Variants in PCDHGC4 observed in about 807,000 individuals in gnomAD.
The protein encoded by PCDHGC4 is protocadherin gamma subfamily C, 4.
A neutral mutation model predicts 59.7 loss-of-function variants in PCDHGC4; 15 were observed. The ratio of observed to expected loss-of-function variants is 0.25; its 90% CI spans 0.17 to 0.39. The LOEUF (loss-of-function observed/expected upper bound fraction) is 0.39, where lower values mean the gene tolerates loss of function less well. Ranked by LOEUF, PCDHGC4 falls within the 10% of genes least tolerant of loss-of-function variation. The pLI is 1.00. For synonymous variants in PCDHGC4, 434 were observed against 481.4 expected (o/e 0.90, Z 1.29); for missense variants, 1,016 against 1,189.5 (o/e 0.85, Z 2.15).
intron 2 of PCDHGC4, among the ~76,000 whole-genome samples, chr5:141,498,451 T>C (rs1426888821): frequency 6.6e-6 from 1 of 152,126 alleles, no homozygotes; most frequent in Non-Finnish European, 1.5e-5. Context: ...AGGTTCCTTT[T>C]ATCCAGTCTA....
At chr5:141,500,876 A>G (rs909126749) in intron 2 of PCDHGC4, among the ~76,000 whole-genome samples, 1 of 124,952 alleles carries the variant, frequency 8.0e-6, no homozygotes, top group African/African-American at 3.5e-5. Flanking sequence ...ATTCATTTAC[A>G]ATTTTTTTTT....
chr5:141,487,751 G>A lies in PCDHGC4; in HGVS notation c.2442+136G>A. ...CACCATTTTTGTAAGAGGTAACTAT[G>A]TGGTAGACGCTGTGCTTTGTAACTG... On this transcript the variant is annotated intron_variant, in intron 1 of 3. Coordinates refer to ENST00000306593, the MANE Select transcript of PCDHGC4 (RefSeq NM_018928.3). This position sits in a 1 kb window ranked among gnomAD's most constrained non-coding sequence, Gnocchi z 5.0. 1 of 1,555,004 alleles carries A rather than the reference G, an allele frequency of 6.4e-7. No homozygotes were observed.
intron 2 of PCDHGC4, among the ~76,000 whole-genome samples, chr5:141,495,601 G>C (rs1315613802): frequency 6.6e-6 from 1 of 152,004 alleles, no homozygotes; most frequent in Non-Finnish European, 1.5e-5. Context: ...CTTAGCTTCC[G>C]TCTTGATTGC....
At chr5:141,508,760 T>A (rs1004267844) in intron 3 of PCDHGC4, among the ~76,000 whole-genome samples, 17 of 151,522 alleles carry the variant, frequency 1.1e-4, no homozygotes, top group Admixed American at 1.1e-3. Flanking sequence ...CTCTGGCGCC[T>A]CTGAGGTCCC....
At chr5:141,507,563 G>A (rs2099861587) in intron 3 of PCDHGC4, among the ~76,000 whole-genome samples, 1 of 152,222 alleles carries the variant, frequency 6.6e-6, no homozygotes, top group Non-Finnish European at 1.5e-5. Flanking sequence ...CAGGCGGCTG[G>A]GTCTGAGGAG....
At position 141,485,342 on chromosome 5, in the gene PCDHGC4, G is replaced by A; in HGVS notation, c.169G>A (p.Asp57Asn). The change falls in exon 1 of 4, where the codon GAC (aspartate) becomes AAC (asparagine). Residue 57 changes from aspartate to asparagine, a missense_variant. Asp to Asn is a conservative substitution (Grantham distance 23). Coordinates refer to ENST00000306593, the MANE Select transcript of PCDHGC4 (RefSeq NM_018928.3). The surrounding 1 kb of genome is among the most constrained non-coding windows in gnomAD (Gnocchi z 5.7). ...NVAQDFLLDT[D>N]SLSARRLQVA... ...CGCTCAAGATTTCCTGCTGGATACG[G>A]ACAGTCTGTCAGCTCGCAGGCTGCA... 1 of 1,614,164 alleles carries A rather than the reference G, an allele frequency of 6.2e-7. No homozygotes were observed. The highest frequency in any genetic ancestry group is 8.5e-7 in the Non-Finnish European group (1 of 1,180,026).
intron 3 of PCDHGC4, among the ~76,000 whole-genome samples, chr5:141,505,766 C>T (rs1420683619): frequency 2.0e-5 from 3 of 151,768 alleles, no homozygotes; most frequent in African/African-American, 4.8e-5. Context: ...CAGTGTAGCT[C>T]AGGTCCTAGC....
rs1224625072 is a variant in PCDHGC4, at chr5:141,490,972, C to T, written c.2442+3357C>T. ...AGACTGGGAACACTCAGCCCCCCAG[C>T]GTCTCCCTCGCTCTGCTCCTCCTGG... On this transcript the variant is annotated intron_variant, in intron 1 of 3. Transcript: ENST00000306593. This position sits in a 1 kb window ranked among gnomAD's most constrained non-coding sequence, Gnocchi z 5.4. The T allele has an allele frequency of 1.2e-5, 20 of 1,613,912 alleles. No individual in the cohort carries two copies. Among genetic ancestry groups the T allele is most frequent in the East Asian group, 4.5e-5 (2 of 44,882 alleles).
At chr5:141,492,506 C>T (rs2154587372) in intron 1 of PCDHGC4, among the ~76,000 whole-genome samples, 2 of 152,318 alleles carry the variant, frequency 1.3e-5, no homozygotes, top group South Asian at 4.1e-4. Context: ...ACTCCGGAGC[C>T]TCCTCTCACC....
Position 141,490,911 on chromosome 5 carries a change from G to C in PCDHGC4, c.2442+3296G>C. On this transcript the variant is annotated intron_variant, in intron 1 of 3. Coordinates refer to ENST00000306593, the MANE Select transcript of PCDHGC4 (RefSeq NM_018928.3). The surrounding 1 kb of genome is among the most constrained non-coding windows in gnomAD (Gnocchi z 5.4). ...CTCTGCATGTGTTTGTCCTAGACGA[G>C]AATGATAATGCCCCAGCTGTGCTGC... is the stretch of plus-strand genomic sequence containing the variant. The C allele has an allele frequency of 6.2e-7, 1 of 1,613,722 alleles. No homozygotes were observed. Among genetic ancestry groups the C allele is most frequent in the East Asian group, 2.2e-5 (1 of 44,870 alleles).
Position 141,485,449 on chromosome 5 carries a change from A to G in PCDHGC4, c.276A>G (p.Arg92=), listed in dbSNP as rs2099613844. 6.2e-7 allele frequency: 1 copy of G among 1,614,054 alleles called. No homozygotes were observed. The highest frequency in any genetic ancestry group is 2.2e-5 in the East Asian group (1 of 44,876). The change falls in exon 1 of 4, where the codon CGA becomes CGG. Residue 92 remains arginine (R), a synonymous_variant. Coordinates refer to ENST00000306593, the MANE Select transcript of PCDHGC4 (RefSeq NM_018928.3). The surrounding 1 kb of genome is among the most constrained non-coding windows in gnomAD (Gnocchi z 5.7). ...TGCTCATCAAGAACCCAATCGACCG[A>G]GAGGCACTGTGTGGGCTCAGTGCCA... ...GALLIKNPID[R]EALCGLSASC...
rs748105196 is a variant in PCDHGC4 at position 141,486,849 on chromosome 5, A to G, written c.1676A>G (p.Asn559Ser). ...GTTCGTCTATTTGTGCTGGACCTCA[A>G]TGACAATGCTCCAGCTGTGCTCCGT... is the stretch of plus-strand genomic sequence containing the variant. ...VTVRLFVLDL[N>S]DNAPAVLRPR... Residue 559 changes from asparagine to serine, a missense_variant, in exon 1 of 4, where the codon AAT becomes AGT. Asn to Ser is a conservative substitution (Grantham distance 46). Coordinates refer to ENST00000306593, the MANE Select transcript of PCDHGC4 (RefSeq NM_018928.3). The surrounding 1 kb of genome is among the most constrained non-coding windows in gnomAD (Gnocchi z 5.0). 4.3e-6 allele frequency: 7 copies of G among 1,614,110 alleles called. No individual in the cohort carries two copies. The highest frequency in any genetic ancestry group is 5.1e-6 in the Non-Finnish European group (6 of 1,180,036).
At position 141,486,108 on chromosome 5, in the gene PCDHGC4, G is replaced by A. The variant is rs1184123075; in HGVS notation, c.935G>A (p.Ser312Asn). ...CTTTTGGGGCCCCTAGACTTTGAGA[G>A]TGAGAATTACTATGAATTTGATGTG... ...LTLLGPLDFE[S>N]ENYYEFDVRA... The change falls in exon 1 of 4, where the codon AGT (serine) becomes AAT (asparagine). Residue 312 changes from serine to asparagine, a missense_variant. Physicochemically the swap from Ser to Asn is conservative, Grantham distance 46. Coordinates refer to ENST00000306593, the MANE Select transcript of PCDHGC4 (RefSeq NM_018928.3). The surrounding 1 kb of genome is among the most constrained non-coding windows in gnomAD (Gnocchi z 5.0). 6 of 1,614,206 alleles carry A rather than the reference G, an allele frequency of 3.7e-6. No individual in the cohort carries two copies. Among genetic ancestry groups the A allele is most frequent in the South Asian group, 3.3e-5 (3 of 91,084 alleles).
intron 2 of PCDHGC4, among the ~76,000 whole-genome samples, chr5:141,505,146 A>G (rs2099844101): frequency 6.6e-6 from 1 of 152,190 alleles, no homozygotes; most frequent in Non-Finnish European, 1.5e-5. Flanking sequence ...TGGATGACAG[A>G]GTAAGACCCT....
rs1299979776 is a variant in PCDHGC4 at position 141,512,453 on chromosome 5, G to GC, written c.*1282dup. On this transcript the variant is annotated 3_prime_UTR_variant, in exon 4 of 4. Transcript: ENST00000306593. ...TCCTGAAGCCTCAGTCCTTCACCTT[G>GC]CCAGGTGCCGTTTCTCTTCCGTGAA... The GC allele has an allele frequency of 6.5e-6, 1 of 152,880 alleles. No homozygotes were observed. The allele number at this position is 152,880 out of a possible 1,614,324, so 9.5% of individuals were successfully genotyped here.
rs1423149 is a variant in PCDHGC4, at chr5:141,487,780, C to G, written c.2442+165C>G. ...TAGACGCTGTGCTTTGTAACTGTTTCGTGAATTAACCAGAGTTGTCACAGT... is the reference window on the plus strand; with the variant it reads ...TAGACGCTGTGCTTTGTAACTGTTTGGTGAATTAACCAGAGTTGTCACAGT... On this transcript the variant is annotated intron_variant, in intron 1 of 3. Transcript: ENST00000306593. This position sits in a 1 kb window ranked among gnomAD's most constrained non-coding sequence, Gnocchi z 5.0. 6.6e-7 allele frequency: 1 copy of G among 1,526,704 alleles called. No individual in the cohort carries two copies. The allele number at this position is 1,526,704 out of a possible 1,614,324, so 94.6% of individuals were successfully genotyped here. A position where few individuals can be genotyped will look rare whatever the true frequency, so the allele number is the denominator to read the frequency against.
intron 2 of PCDHGC4, among the ~76,000 whole-genome samples, chr5:141,497,540 CT>C (rs754207034): frequency 0.18 from 24,498 of 134,808 alleles, 2,020 homozygotes; most frequent in African/African-American, 0.21. Flanking sequence ...TGCAACAAAC[CT>C]TTTTTTTTTT....
In PCDHGC4 at chr5:141,491,149, G is replaced by T; in HGVS notation, c.2442+3534G>T. 6.8e-6 allele frequency: 11 copies of T among 1,614,152 alleles called. No homozygotes were observed. The highest frequency in any genetic ancestry group is 9.3e-6 in the Non-Finnish European group (11 of 1,180,010). On this transcript the variant is annotated intron_variant, in intron 1 of 3. Transcript: ENST00000306593. This position sits in a 1 kb window ranked among gnomAD's most constrained non-coding sequence, Gnocchi z 6.9. ...GCGCACAGCCCGGGCCTTACTGGAGGATGACTCTGACACCCAGCAGGTGGT... is the reference window on the plus strand; with the variant it reads ...GCGCACAGCCCGGGCCTTACTGGAGTATGACTCTGACACCCAGCAGGTGGT...
In PCDHGC4 at chr5:141,511,033, C is replaced by T. The variant is rs1185153127; in HGVS notation, c.2677C>T (p.His893Tyr). 6.2e-7 allele frequency: 1 copy of T among 1,614,202 alleles called. No individual in the cohort carries two copies. The highest frequency in any genetic ancestry group is 1.7e-5 in the Admixed American group (1 of 60,032). ...CTACGGACCCCAGTTCACCCTGCAG[C>T]ACGTGCCCGACTACCGCCAGAATGT... ...ARYGPQFTLQ[H>Y]VPDYRQNVYI... Residue 893 changes from histidine to tyrosine, a missense_variant, in exon 4 of 4, where the codon CAC becomes TAC. His to Tyr is a moderately conservative substitution (Grantham distance 83). Coordinates refer to ENST00000306593, the MANE Select transcript of PCDHGC4 (RefSeq NM_018928.3).
Sources: allele counts gnomAD v4.1 joint callset (sites outside exome capture counted in the v4.1 genomes callset), GRCh38; gene constraint gnomAD v4.1.1; non-coding constraint Gnocchi (gnomAD v3.1); transcripts MANE v1.5; gene names NCBI Gene and HGNC (gene_info 2026-07-23, HGNC 2026-07-21).